Variants in COPB1 observed in about 807,000 individuals in gnomAD.
The protein encoded by COPB1 is coatomer subunit beta.
In COPB1, 21 loss-of-function variants were observed where a neutral mutation model predicts 108.7. The observed-to-expected ratio is 0.19, with a 90% CI of 0.14 to 0.28. The LOEUF (loss-of-function observed/expected upper bound fraction) is 0.28, where lower values mean the gene tolerates loss of function less well. Among genes scored for constraint, COPB1 ranks in the 10% least tolerant of loss-of-function variants. The pLI is 1.00. For synonymous variants in COPB1, 378 were observed against 386.8 expected, an observed-to-expected ratio of 0.98 and a Z score of 0.27; for missense variants, 919 against 1,141.3, an observed-to-expected ratio of 0.81 and a Z score of 2.81.
chr11:14,486,742 C>T (rs1384469653), intron 6 of COPB1, among the ~76,000 whole-genome samples: 1 of 152,050 alleles, frequency 6.6e-6, no homozygotes, highest in Non-Finnish European at 1.5e-5. Context: ...AATGGCTTTA[C>T]TAGATAGGAT....
intron 14 of COPB1, among the ~76,000 whole-genome samples, chr11:14,471,485 G>A (rs911788688): frequency 1.3e-5 from 2 of 152,062 alleles, no homozygotes; most frequent in Admixed American, 6.5e-5. Context: ...ACTGTGACCA[G>A]ACCTGAATAA....
rs573696373 is a variant in COPB1 at position 14,489,077 on chromosome 11, T to C, written c.607-493A>G. Among the ~76,000 whole-genome samples the C allele has an allele frequency of 2.0e-3, 307 of 152,344 alleles. 1 individual carries two copies. The highest frequency in any genetic ancestry group is 3.3e-3 in the Non-Finnish European group (222 of 68,022). On this transcript the variant is annotated intron_variant, in intron 5 of 21. Coordinates refer to ENST00000439561, the MANE Select transcript of COPB1 (RefSeq NM_001144061.2). ...GGTTAACAGCATAATGCCAAAAGCA[T>C]TGGTCAGTAAAACCAATTACACAAG...
At chr11:14,463,396 T>C (rs1589952308) in intron 18 of COPB1, among the ~76,000 whole-genome samples, 2 of 152,202 alleles carry the variant, frequency 1.3e-5, no homozygotes, top group Admixed American at 6.5e-5. Context: ...CGGCTCACTG[T>C]AACCTCTGTC....
chr11:14,458,641 C>A lies in COPB1; in HGVS notation c.2693G>T (p.Arg898Leu), dbSNP rs780448237. ...CGFMAANLYARSIFGEDALAN... is the reference protein window; with the variant it reads ...CGFMAANLYALSIFGEDALAN... ...AAGTGCATCTTCACCAAATATGGAACGAGCATAAAGGTTGGCTGCCATAAA... is the reference window on the plus strand; with the variant it reads ...AAGTGCATCTTCACCAAATATGGAAAGAGCATAAAGGTTGGCTGCCATAAA... The change falls in exon 21 of 22, where the codon CGT (arginine) becomes CTT (leucine). Residue 898 changes from arginine (R) to leucine (L), a missense_variant. Physicochemically the swap from Arg to Leu is moderately radical, Grantham distance 102. This residue lies in a region of COPB1 where 705 missense variants were observed against 817.8 expected (regional missense o/e 0.86). Coordinates refer to ENST00000439561, the MANE Select transcript of COPB1 (RefSeq NM_001144061.2). 1.4e-5 allele frequency: 22 copies of A among 1,613,340 alleles called. No homozygotes were observed. In the South Asian group the frequency reaches 2.1e-4, roughly 15 times the overall value.
chr11:14,498,494 T>C (rs988381066), intron 2 of COPB1, among the ~76,000 whole-genome samples: 1 of 152,214 alleles, frequency 6.6e-6, no homozygotes, highest in Non-Finnish European at 1.5e-5. Flanking sequence ...TGAAGTTAAG[T>C]GCACGATGGA....
In COPB1 at chr11:14,457,602, CATT is replaced by C. The variant is rs199927414; in HGVS notation, c.*219_*221del. On this transcript the variant is annotated 3_prime_UTR_variant, in exon 22 of 22. Coordinates refer to ENST00000439561, the MANE Select transcript of COPB1 (RefSeq NM_001144061.2). ...GTGAAAAGGGTCTTGGTACATGAAA[CATT>C]ATATACTTTGAGGACAGCATTCAGA... 3,179 of 416,788 alleles carry C rather than the reference CATT, an allele frequency of 7.6e-3. 29 individuals carry two copies. The highest frequency in any genetic ancestry group is 0.062 in the Middle Eastern group (89 of 1,432). 25.8% of individuals were successfully genotyped at this position (416,788 alleles called of 1,614,324 possible). A position where few individuals can be genotyped will look rare whatever the true frequency, so the allele number is the denominator to read the frequency against.
intron 14 of COPB1, among the ~76,000 whole-genome samples, chr11:14,470,944 A>ACACACTCT (rs1285522756): frequency 2.6e-3 from 236 of 90,180 alleles, no homozygotes; most frequent in Middle Eastern, 5.7e-3. Flanking sequence ...ACACACACAC[A>ACACACTCT]CTCTCTCTCT....
intron 11 of COPB1, among the ~76,000 whole-genome samples, chr11:14,477,386 T>G (rs1850546141): frequency 2.6e-4 from 2 of 7,794 alleles, no homozygotes; most frequent in Admixed American, 3.6e-3. Flanking sequence ...CGAGACTCCG[T>G]CTCAAAAAAA....
chr11:14,462,678 C>T (rs1035397881), intron 18 of COPB1, among the ~76,000 whole-genome samples: 4 of 152,178 alleles, frequency 2.6e-5, no homozygotes, highest in African/African-American at 7.2e-5. Flanking sequence ...CCCTCTCATA[C>T]GTATCAGAGA....
rs1850475745 is a variant in COPB1, at chr11:14,474,544, T to C, written c.1688A>G (p.Lys563Arg). The C allele has an allele frequency of 6.2e-7, 1 of 1,614,038 alleles. No homozygotes were observed. Among genetic ancestry groups the C allele is most frequent in the Non-Finnish European group, 8.5e-7 (1 of 1,179,934 alleles). Residue 563 changes from lysine (K) to arginine (R), a missense_variant, in exon 14 of 22, where the codon AAG (lysine) becomes AGG (arginine). By Grantham distance (26) the Lys-to-Arg change is conservative. Transcript: ENST00000439561. Reference protein sequence around the residue: ...VAASLATTLTKIALRYVALVQ... With the variant: ...VAASLATTLTRIALRYVALVQ... ...CAAAGCTACATAGCGCAATGCAATCTTGGTCAGAGTTGTGGCAAGGGAGGC... is the reference window on the plus strand; with the variant it reads ...CAAAGCTACATAGCGCAATGCAATCCTGGTCAGAGTTGTGGCAAGGGAGGC...
chr11:14,493,524 G>T, intron 4 of COPB1, 118 bp downstream of exon 4: 1 of 814,436 alleles, frequency 1.2e-6, no homozygotes, highest in African/African-American at 1.8e-5. Context: ...ATACAGTGCT[G>T]GCCATACAAA....
intron 20 of COPB1, among the ~76,000 whole-genome samples, chr11:14,459,015 G>A (rs573090993): frequency 2.6e-4 from 40 of 152,216 alleles, no homozygotes; most frequent in African/African-American, 7.7e-4. Context: ...TGATCCACCC[G>A]CCTCGGCCTC....
At chr11:14,471,395 G>A (rs1407554760) in intron 14 of COPB1, among the ~76,000 whole-genome samples, 1 of 152,154 alleles carries the variant, frequency 6.6e-6, no homozygotes, top group African/African-American at 2.4e-5. Flanking sequence ...CAGAAGTGAT[G>A]CAACCAGGAG....
intron 11 of COPB1, among the ~76,000 whole-genome samples, chr11:14,477,326 C>T (rs1319698766): frequency 3.6e-5 from 5 of 139,968 alleles, no homozygotes; most frequent in Non-Finnish European, 6.1e-5. Context: ...GGAAGCGGAG[C>T]TTGCAGTGAG....
rs564373510 is a variant in COPB1, at chr11:14,494,554, T to C, written c.92-115A>G. 3.0e-4 allele frequency: 189 copies of C among 636,546 alleles called. No homozygotes were observed. The African/African-American group carries it at 3.2e-3, about 11-fold the overall frequency. The allele number at this position is 636,546 out of a possible 1,614,324, so 39.4% of individuals were successfully genotyped here. A position where few individuals can be genotyped will look rare whatever the true frequency, so the allele number is the denominator to read the frequency against. Reference sequence around the variant, plus strand: ...TACCTTCTTACTTCAGTATCAGCAATGGTAATAAAAGTACAAACCCAAGTG... The same window carrying C: ...TACCTTCTTACTTCAGTATCAGCAACGGTAATAAAAGTACAAACCCAAGTG... On this transcript the variant is annotated intron_variant, in intron 2 of 21. Coordinates refer to ENST00000439561, the MANE Select transcript of COPB1 (RefSeq NM_001144061.2).
intron 16 of COPB1, 97 bp downstream of exon 16, chr11:14,468,584 T>C (rs1850333509): frequency 1.6e-6 from 2 of 1,236,352 alleles, no homozygotes; most frequent in Non-Finnish European, 2.3e-6. Context: ...CACAGTGACT[T>C]GACAAAATAG....
Position 14,481,097 on chromosome 11 carries a change from C to T in COPB1, c.958G>A (p.Asp320Asn). 2.5e-6 allele frequency: 4 copies of T among 1,600,374 alleles called. No individual in the cohort carries two copies. The highest frequency in any genetic ancestry group is 3.4e-6 in the Non-Finnish European group (4 of 1,175,576). Reference protein sequence around the residue: ...EHPAHERVLQDLVMDILRVLS... With the variant: ...EHPAHERVLQNLVMDILRVLS... ...ACTCTTAGGATATCCATAACCAGATCCTAAAAAAGAAGAAAAAATCAAGAA... is the reference window on the plus strand; with the variant it reads ...ACTCTTAGGATATCCATAACCAGATTCTAAAAAAGAAGAAAAAATCAAGAA... The change falls in exon 9 of 22, where the codon GAT becomes AAT. Residue 320 changes from aspartate to asparagine, a missense_variant and splice_region_variant. By Grantham distance (23) the Asp-to-Asn change is conservative. This residue lies in a region of COPB1 where 705 missense variants were observed against 817.8 expected (regional missense o/e 0.86). Transcript: ENST00000439561.
At position 14,475,858 on chromosome 11, in the gene COPB1, C is replaced by T. The variant is rs965670024; in HGVS notation, c.1543G>A (p.Val515Ile). 6.2e-7 allele frequency: 1 copy of T among 1,613,574 alleles called. No individual in the cohort carries two copies. ...GTTGCATAGGTACCCATTTCAGTAACCAATTTCTGAACTGGCCCTACAGTT... is the reference window on the plus strand; with the variant it reads ...GTTGCATAGGTACCCATTTCAGTAATCAATTTCTGAACTGGCCCTACAGTT... ...EITVGPVQKL[V>I]TEMGTYATQS... Residue 515 changes from valine (V) to isoleucine (I), a missense_variant, in exon 13 of 22, where the codon GTT (valine) becomes ATT (isoleucine). Transcript: ENST00000439561.
chr11:14,486,343 G>A, intron 7 of COPB1, 24 bp downstream of exon 7: 2 of 1,612,792 alleles, frequency 1.2e-6, no homozygotes, highest in East Asian at 2.2e-5. Context: ...CATCTAATCT[G>A]GCCCCAAAAG....
Sources: allele counts gnomAD v4.1 joint callset (sites outside exome capture counted in the v4.1 genomes callset), GRCh38; gene constraint gnomAD v4.1.1; regional missense constraint gnomAD v4.1.1; transcripts MANE v1.5; gene names NCBI Gene and HGNC (gene_info 2026-07-23, HGNC 2026-07-21).